The following BAZ2A variants were observed in gnomAD, a reference collection of about 807,000 sequenced individuals.
BAZ2A encodes bromodomain adjacent to zinc finger domain protein 2A.
BAZ2A carries 34 observed loss-of-function variants against 199.9 expected under a neutral mutation model. The observed-to-expected ratio is 0.17, with a 90% CI of 0.13 to 0.23. The LOEUF is 0.23. BAZ2A is among the 10% of genes least tolerant of loss of function. BAZ2A has a pLI of 1.00. For synonymous variants in BAZ2A, 857 were observed against 883.9 expected (o/e 0.97, Z 0.54); for missense variants, 2,002 against 2,391.1 (o/e 0.84, Z 3.39).
chr12:56,633,837 C>A (rs2958124), upstream of BAZ2A, among the ~76,000 whole-genome samples: 65,240 of 151,974 alleles, frequency 0.43, 15,674 homozygotes, highest in African/African-American at 0.66. Flanking sequence ...TGCCAGGTTC[C>A]AGCCTGCCAG....
At position 56,598,323 on chromosome 12, in the gene BAZ2A, C is replaced by A. The variant is rs1886040424; in HGVS notation, c.*295G>T. ...GAAGTAGGGACGACTTTCCCCCTCCCCATTTTTAATTAGCAAATAAAACAG... is the reference window on the plus strand; with the variant it reads ...GAAGTAGGGACGACTTTCCCCCTCCACATTTTTAATTAGCAAATAAAACAG... On this transcript the variant is annotated 3_prime_UTR_variant, in exon 29 of 29. Transcript: ENST00000549884. 1 of 317,428 alleles carries A rather than the reference C, an allele frequency of 3.2e-6. No individual in the cohort carries two copies. The highest frequency in any genetic ancestry group is 7.2e-5 in the East Asian group (1 of 13,894). The allele number at this position is 317,428 out of a possible 1,614,324, so 19.7% of individuals were successfully genotyped here.
chr12:56,601,061 C>T lies in BAZ2A; in HGVS notation c.4332G>A (p.Glu1444=). The change falls in exon 22 of 29, where the codon GAG becomes GAA. Residue 1444 remains glutamate (E), a synonymous_variant. Transcript: ENST00000549884. ...GGGCCTTGAGCATGGCATCCAACATCTCAGGATCTCGTATCCACCACCAGC... is the reference window on the plus strand; with the variant it reads ...GGGCCTTGAGCATGGCATCCAACATTTCAGGATCTCGTATCCACCACCAGC... ...CSGWWWIRDP[E]MLDAMLKALH... The T allele has an allele frequency of 6.2e-7, 1 of 1,611,774 alleles. No individual in the cohort carries two copies. Among genetic ancestry groups the T allele is most frequent in the African/African-American group, 1.3e-5 (1 of 74,992 alleles).
intron 7 of BAZ2A, 49 bp from the exon 8 acceptor site, chr12:56,610,566 C>T: frequency 6.5e-7 from 1 of 1,546,630 alleles, no homozygotes; most frequent in Non-Finnish European, 8.8e-7. Context: ...CCCCTACCCA[C>T]TCCCATGCCA....
chr12:56,628,617 TCA>T (rs1039913616), intron 1 of BAZ2A, among the ~76,000 whole-genome samples: 9 of 152,138 alleles, frequency 5.9e-5, no homozygotes, highest in Admixed American at 2.0e-4. Flanking sequence ...TTCACCAATC[TCA>T]GTCTGTTAAT....
At position 56,597,242 on chromosome 12, in the gene BAZ2A, G is replaced by A. The variant is rs1316768920; in HGVS notation, c.*1376C>T. 6.6e-6 allele frequency: 1 copy of A among 152,640 alleles called. No homozygotes were observed. Among genetic ancestry groups the A allele is most frequent in the Non-Finnish European group, 1.5e-5 (1 of 68,172 alleles). 9.5% of individuals were successfully genotyped at this position (152,640 alleles called of 1,614,324 possible). On this transcript the variant is annotated 3_prime_UTR_variant, in exon 29 of 29. Transcript: ENST00000549884. Reference sequence around the variant, plus strand: ...CAGGGTCTCTGCTGCTGGGGAAGGGGTCCTGGGGTATGAAGTAAATGAAGA... The same window carrying A: ...CAGGGTCTCTGCTGCTGGGGAAGGGATCCTGGGGTATGAAGTAAATGAAGA...
intron 7 of BAZ2A, 37 bp from the exon 8 acceptor site, chr12:56,610,554 C>T: frequency 6.4e-7 from 1 of 1,571,614 alleles, no homozygotes; most frequent in Non-Finnish European, 8.7e-7. Flanking sequence ...CGCCAGGTCA[C>T]ACCCCTACCC....
rs139687682 is a variant in BAZ2A at position 56,622,065 on chromosome 12, G to A, written c.-2-4533C>T. The stretch of plus-strand genomic sequence containing the variant: ...AAAAGATAATCAGGCCTGGCCAGGC[G>A]CAGTGGTTCACGCCTGTAATCCCAG... On this transcript the variant is annotated intron_variant, in intron 1 of 28. Coordinates refer to ENST00000549884, the MANE Select transcript of BAZ2A (RefSeq NM_001300905.2). Among the ~76,000 whole-genome samples the A allele has an allele frequency of 4.1e-4, 62 of 151,938 alleles. No individual in the cohort carries two copies. In the East Asian group the frequency reaches 9.6e-3, roughly 23 times the overall value.
intron 2 of BAZ2A, among the ~76,000 whole-genome samples, chr12:56,615,846 A>G (rs1276014550): frequency 6.6e-6 from 1 of 152,138 alleles, no homozygotes; most frequent in Non-Finnish European, 1.5e-5. Context: ...CAGGCCTACC[A>G]TGAGAGCCAC....
intron 1 of BAZ2A, among the ~76,000 whole-genome samples, chr12:56,628,798 A>G (rs1951195691): frequency 6.6e-6 from 1 of 152,178 alleles, no homozygotes; most frequent in Admixed American, 6.5e-5. Context: ...CCAAGAAGCT[A>G]CTCGTGCCAC....
chr12:56,614,189 T>A, intron 3 of BAZ2A, 51 bp from the exon 4 acceptor site: 1 of 1,552,894 alleles, frequency 6.4e-7, no homozygotes, highest in Non-Finnish European at 8.8e-7. Flanking sequence ...CTTATATTGG[T>A]TCACTTAGCT....
At chr12:56,607,587 G>C (rs973352550) in intron 10 of BAZ2A, among the ~76,000 whole-genome samples, 1 of 152,110 alleles carries the variant, frequency 6.6e-6, no homozygotes, top group African/African-American at 2.4e-5. Context: ...TAGCCATGAC[G>C]GTCTTGATTG....
intron 17 of BAZ2A, 49 bp downstream of exon 17, chr12:56,603,471 A>C (rs754583143): frequency 6.2e-7 from 1 of 1,613,838 alleles, no homozygotes; most frequent in Non-Finnish European, 8.5e-7. Flanking sequence ...GATTCAAGAA[A>C]GAGGAATTTA....
chr12:56,601,753 A>C lies in BAZ2A; in HGVS notation c.3864T>G (p.Pro1288=), dbSNP rs1394082442. 1 of 1,613,814 alleles carries C rather than the reference A, an allele frequency of 6.2e-7. No homozygotes were observed. The highest frequency in any genetic ancestry group is 8.5e-7 in the Non-Finnish European group (1 of 1,179,870). The change falls in exon 20 of 29, where the codon CCT becomes CCG. Residue 1288 remains proline, a synonymous_variant. Transcript: ENST00000549884. The part of the protein sequence containing the change: ...SSLLSSSVLT[P]DSSPGKLDPA... Reference sequence around the variant, plus strand: ...GGTCTAGTTTTCCCGGACTGCTATCAGGTGTGAGGACTGAGCTGCTCAACA... The same window carrying C: ...GGTCTAGTTTTCCCGGACTGCTATCCGGTGTGAGGACTGAGCTGCTCAACA...
intron 1 of BAZ2A, among the ~76,000 whole-genome samples, chr12:56,627,106 G>A (rs1002840281): frequency 6.6e-6 from 1 of 152,090 alleles, no homozygotes; most frequent in African/African-American, 2.4e-5. Context: ...AGGTGGGAGG[G>A]GTTTTTGCCT....
chr12:56,610,206 G>A lies in BAZ2A; in HGVS notation c.1789C>T (p.Arg597Cys), dbSNP rs1422995828. 9.3e-6 allele frequency: 15 copies of A among 1,613,766 alleles called. No homozygotes were observed. Among genetic ancestry groups the A allele is most frequent in the Non-Finnish European group, 1.3e-5 (15 of 1,179,852 alleles). Residue 597 changes from arginine (R) to cysteine (C), a missense_variant, in exon 9 of 29, where the codon CGC (arginine) becomes TGC (cysteine). Transcript: ENST00000549884. ...QFPEVIKYLSRNVVHSVRREH... is the reference protein window; with the variant it reads ...QFPEVIKYLSCNVVHSVRREH... ...CGGCGGACACTGTGTACCACGTTGC[G>A]GCTCAGGTACTAAGAGGAAGAAGTA...
At position 56,608,992 on chromosome 12, in the gene BAZ2A, GCC is replaced by G. The variant is rs772767512; in HGVS notation, c.2092+742_2092+743del. Among the ~76,000 whole-genome samples the G allele has an allele frequency of 1.2e-3, 171 of 148,268 alleles. 1 individual carries two copies. Among genetic ancestry groups the G allele is most frequent in the Non-Finnish European group, 2.3e-3 (155 of 67,568 alleles). On this transcript the variant is annotated intron_variant, in intron 10 of 28. Transcript: ENST00000549884. ...AGGTTCAAGCTATTCTCCTGCCTCAGCCTCCCAAGTAGGTGGGACTACAGGCA... is the reference window on the plus strand; with the variant it reads ...AGGTTCAAGCTATTCTCCTGCCTCAGTCCCAAGTAGGTGGGACTACAGGCA...
At chr12:56,605,665 G>A in intron 13 of BAZ2A, 165 bp downstream of exon 13, 1 of 779,902 alleles carries the variant, frequency 1.3e-6, no homozygotes, top group Non-Finnish European at 2.0e-6. Flanking sequence ...CAAGCGATCT[G>A]CCCGCCTCGG....
upstream of BAZ2A, chr12:56,630,692 G>A (rs1951284761): frequency 1.2e-6 from 1 of 856,926 alleles, no homozygotes; most frequent in Non-Finnish European, 1.4e-6. Flanking sequence ...TAGGGTAATG[G>A]AAACGTGGAA....
Position 56,600,014 on chromosome 12 carries a change from G to C in BAZ2A, c.4975C>G (p.Leu1659Val), listed in dbSNP as rs368146122. The C allele has an allele frequency of 8.7e-6, 14 of 1,613,896 alleles. No individual in the cohort carries two copies. In the African/African-American group the frequency reaches 1.6e-4, roughly 18 times the overall value. Residue 1659 changes from leucine to valine, a missense_variant, in exon 25 of 29, where the codon CTG becomes GTG. By Grantham distance (32) the Leu-to-Val change is conservative (BLOSUM62 1). This residue lies in a region of BAZ2A where 1,081 missense variants were observed against 1,274.7 expected (regional missense o/e 0.85). Transcript: ENST00000549884. ...GCAATGGACCTCTCCAGCTGGCCCA[G>C]GCACAAGCACACCTGGGCTGCGCTC... is the stretch of plus-strand genomic sequence containing the variant. Reference protein sequence around the residue: ...CRSAAQVCLCLGQLERSIAWE... With the variant: ...CRSAAQVCLCVGQLERSIAWE...
Sources: gnomAD v4.1 joint callset for allele counts (sites outside exome capture counted in the v4.1 genomes callset) on GRCh38, gnomAD v4.1.1 for gene constraint, gnomAD v4.1.1 regional missense constraint, MANE v1.5 for transcripts, NCBI Gene and HGNC (gene_info 2026-07-23, HGNC 2026-07-21) for gene names.